Variants in FAF1 observed in about 807,000 individuals in gnomAD.
FAF1 encodes Fas associated factor 1.
In FAF1, 25 loss-of-function variants were observed where a neutral mutation model predicts 92.5. That is an observed-to-expected ratio of 0.27 (90% confidence interval 0.20 to 0.38). FAF1 has a LOEUF of 0.38. Ranked by LOEUF, FAF1 falls within the 10% of genes least tolerant of loss-of-function variation. FAF1 has a pLI of 1.00. For missense variants in FAF1, 636 were observed against 793.3 expected, an observed-to-expected ratio of 0.80 and a Z score of 2.38; for synonymous variants, 234 against 273.2, an observed-to-expected ratio of 0.86 and a Z score of 1.42.
intron 4 of FAF1, among the ~76,000 whole-genome samples, chr1:50,774,265 T>C (rs1660875640): frequency 6.6e-6 from 1 of 152,196 alleles, no homozygotes; most frequent in Non-Finnish European, 1.5e-5. Flanking sequence ...TCTTTCCTTC[T>C]TTTCACATGT....
intron 8 of FAF1, among the ~76,000 whole-genome samples, chr1:50,597,304 A>G (rs3850873): frequency 0.45 from 68,676 of 151,932 alleles, 16,625 homozygotes; most frequent in African/African-American, 0.59. Flanking sequence ...CTGTCACCTT[A>G]TATTCTGGGG....
chr1:50,685,935 T>C (rs534712710), intron 7 of FAF1, among the ~76,000 whole-genome samples: 110 of 152,188 alleles, frequency 7.2e-4, no homozygotes, highest in Non-Finnish European at 1.2e-3. Flanking sequence ...ATATAAATGA[T>C]ACATGATAAT....
At chr1:50,678,430 T>G (rs1656244819) in intron 7 of FAF1, among the ~76,000 whole-genome samples, 1 of 152,198 alleles carries the variant, frequency 6.6e-6, no homozygotes, top group African/African-American at 2.4e-5. Flanking sequence ...ATTTACACAT[T>G]TGGCCAGATT....
Position 50,941,670 on chromosome 1 carries a change from A to G in FAF1, c.45+18097T>C, listed in dbSNP as rs149268823. Among the ~76,000 whole-genome samples, 310 of 152,304 alleles carry G rather than the reference A, an allele frequency of 2.0e-3. 2 individuals are homozygous for G. The highest frequency in any genetic ancestry group is 6.9e-3 in the African/African-American group (286 of 41,564). On this transcript the variant is annotated intron_variant, in intron 1 of 18. Transcript: ENST00000396153. ...CTGAGCCAAGTTTGGATGCATTTGA[A>G]TTTGCTTTATAAAAGACAATGTGGT...
chr1:50,669,875 A>T (rs1309632025), intron 7 of FAF1, among the ~76,000 whole-genome samples: 3 of 152,198 alleles, frequency 2.0e-5, no homozygotes, highest in Non-Finnish European at 4.4e-5. Flanking sequence ...TAATCCCAGC[A>T]CTTTGGGAGG....
intron 4 of FAF1, among the ~76,000 whole-genome samples, chr1:50,756,670 A>T (rs1205418163): frequency 6.6e-6 from 1 of 152,196 alleles, no homozygotes; most frequent in Non-Finnish European, 1.5e-5. Context: ...TACAGAAGAA[A>T]GGGTTTAACG....
chr1:50,570,914 G>C (rs1006325089), intron 12 of FAF1, among the ~76,000 whole-genome samples: 2 of 152,140 alleles, frequency 1.3e-5, no homozygotes, highest in African/African-American at 4.8e-5. Flanking sequence ...GAGTTGAAAT[G>C]GCAAACTAAT....
intron 13 of FAF1, among the ~76,000 whole-genome samples, chr1:50,544,553 C>T (rs115297002): frequency 6.6e-6 from 1 of 152,142 alleles, no homozygotes; most frequent in African/African-American, 2.4e-5. Context: ...TAAAAGAAAT[C>T]ATCATAAAAA....
At chr1:50,615,518 G>A (rs1302365645) in intron 8 of FAF1, among the ~76,000 whole-genome samples, 1 of 152,104 alleles carries the variant, frequency 6.6e-6, no homozygotes, top group Non-Finnish European at 1.5e-5. Flanking sequence ...CCTTTTCTAT[G>A]CAGTCTTGCC....
chr1:50,724,292 C>CACAT (rs1211817553), intron 6 of FAF1, among the ~76,000 whole-genome samples: 31 of 122,668 alleles, frequency 2.5e-4, no homozygotes, highest in Admixed American at 9.4e-4. Context: ...CACACACACA[C>CACAT]ACATACACAC....
Position 50,819,767 on chromosome 1 carries a change from A to G in FAF1, c.115-18090T>C, listed in dbSNP as rs866331395. 3.2e-4 allele frequency among the ~76,000 whole-genome samples: 22 copies of G among 68,046 alleles called. 2 individuals are homozygous for G. The highest frequency in any genetic ancestry group is 1.1e-3 in the African/African-American group (19 of 17,090). The allele number at this position is 68,046 out of a possible 152,430, so 44.6% of individuals were successfully genotyped here. The stretch of plus-strand genomic sequence containing the variant: ...TATATATATACATATATATATACGT[A>G]TATATATATACATATATATACATAT... On this transcript the variant is annotated intron_variant, in intron 2 of 18. Coordinates refer to ENST00000396153, the MANE Select transcript of FAF1 (RefSeq NM_007051.3).
intron 2 of FAF1, among the ~76,000 whole-genome samples, chr1:50,809,028 C>A (rs1662317419): frequency 6.6e-6 from 1 of 152,096 alleles, no homozygotes; most frequent in Non-Finnish European, 1.5e-5. Context: ...AGTAACCACA[C>A]AATAATATAT....
chr1:50,490,733 G>C, intron 16 of FAF1, 68 bp from the exon 17 acceptor site: 1 of 1,003,290 alleles, frequency 1.0e-6, no homozygotes, highest in Non-Finnish European at 1.6e-6. Context: ...AGAGAAATAA[G>C]GAAAGAGAAA....
At chr1:50,695,688 C>T (rs1018478488) in intron 7 of FAF1, among the ~76,000 whole-genome samples, 7 of 152,126 alleles carry the variant, frequency 4.6e-5, no homozygotes, top group African/African-American at 1.7e-4. Context: ...GCTCTTGTCA[C>T]CCAGGCTGGA....
At chr1:50,700,037 C>CA (rs904188122) in intron 7 of FAF1, among the ~76,000 whole-genome samples, 27 of 151,566 alleles carry the variant, frequency 1.8e-4, no homozygotes, top group South Asian at 2.1e-4. Context: ...CACTTTAAAA[C>CA]AAAAAAAACT....
At chr1:50,636,844 C>T (rs1488764016) in intron 8 of FAF1, among the ~76,000 whole-genome samples, 1 of 152,056 alleles carries the variant, frequency 6.6e-6, no homozygotes, top group Non-Finnish European at 1.5e-5. Context: ...TTTAAGTCAT[C>T]TCTGATCTAA....
chr1:50,930,250 T>C (rs1222844934), intron 1 of FAF1, among the ~76,000 whole-genome samples: 1 of 152,154 alleles, frequency 6.6e-6, no homozygotes, highest in East Asian at 1.9e-4. Flanking sequence ...TAAAGAAGAA[T>C]GGATTCCAAA....
intron 9 of FAF1, among the ~76,000 whole-genome samples, chr1:50,588,650 C>T (rs3789586): frequency 0.2 from 31,090 of 152,028 alleles, 3,906 homozygotes; most frequent in African/African-American, 0.36. Flanking sequence ...TCTTGTCAGC[C>T]TAGACAGTTA....
intron 8 of FAF1, among the ~76,000 whole-genome samples, chr1:50,598,574 TAGTA>T (rs1268767583): frequency 1.3e-5 from 2 of 151,674 alleles, no homozygotes; most frequent in African/African-American, 2.4e-5. Flanking sequence ...ACTTGCTACA[TAGTA>T]GATATTCTAT....
Sources: allele counts gnomAD v4.1 joint callset (sites outside exome capture counted in the v4.1 genomes callset), GRCh38; gene constraint gnomAD v4.1.1; transcripts MANE v1.5; gene names NCBI Gene and HGNC (gene_info 2026-07-23, HGNC 2026-07-21).